The following DYNC1LI2 variants were observed in gnomAD, a reference collection of about 807,000 sequenced individuals.
DYNC1LI2 encodes the protein dynein cytoplasmic 1 light intermediate chain 2.
In DYNC1LI2, 19 loss-of-function variants were observed where a neutral mutation model predicts 57.8. That is an observed-to-expected ratio of 0.33 (90% CI 0.23 to 0.48). The LOEUF (loss-of-function observed/expected upper bound fraction) is 0.48. Among genes scored for constraint, DYNC1LI2 ranks in the 20% least tolerant of loss-of-function variants. The pLI, the probability that DYNC1LI2 is intolerant of heterozygous loss-of-function variation, is 0.99. For synonymous variants in DYNC1LI2, 256 were observed against 233.4 expected (o/e 1.10, Z -0.88); for missense variants, 470 against 604.2 (o/e 0.78, Z 2.33).
chr16:66,748,481 G>A (rs950198939), intron 3 of DYNC1LI2, among the ~76,000 whole-genome samples: 6 of 152,134 alleles, frequency 3.9e-5, no homozygotes, highest in Middle Eastern at 3.4e-3. Context: ...TACTACTCAC[G>A]TTTTAAAGAT....
At position 66,723,253 on chromosome 16, in the gene DYNC1LI2, C is replaced by T; in HGVS notation, c.*469G>A. Reference sequence around the variant, plus strand: ...CTCCACCTCCCTCAACATTCAGCTTCCCCACCATCACTTGTCTCATTACTC... The same window carrying T: ...CTCCACCTCCCTCAACATTCAGCTTTCCCACCATCACTTGTCTCATTACTC... On this transcript the variant is annotated 3_prime_UTR_variant, in exon 13 of 13. Coordinates refer to ENST00000258198, the MANE Select transcript of DYNC1LI2 (RefSeq NM_006141.3). 2.3e-6 allele frequency: 1 copy of T among 439,188 alleles called. No homozygotes were observed. The highest frequency in any genetic ancestry group is 4.6e-6 in the Non-Finnish European group (1 of 215,556). The allele number at this position is 439,188 out of a possible 1,614,324, so 27.2% of individuals were successfully genotyped here. A position where few individuals can be genotyped will look rare whatever the true frequency, so the allele number is the denominator to read the frequency against.
At position 66,751,376 on chromosome 16, in the gene DYNC1LI2, C is replaced by T. The variant is rs1304792627; in HGVS notation, c.108-30G>A. The T allele has an allele frequency of 6.2e-7, 1 of 1,606,914 alleles. No individual in the cohort carries two copies. The highest frequency in any genetic ancestry group is 1.7e-5 in the Admixed American group (1 of 59,630). ...GGCGACAATGGCAAGAGTGGTCAGC[C>T]CCGGGCCGGGCTGGGATGGCCCGGC... On this transcript the variant is annotated intron_variant, in intron 1 of 12. Transcript: ENST00000258198. The surrounding 1 kb of genome is among the most constrained non-coding windows in gnomAD (Gnocchi z 5.2).
In DYNC1LI2 at chr16:66,740,034, T is replaced by G. The variant is rs117520019; in HGVS notation, c.529+2404A>C. Among the ~76,000 whole-genome samples, 1,248 of 152,234 alleles carry G rather than the reference T, an allele frequency of 8.2e-3. 11 individuals carry two copies. The highest frequency in any genetic ancestry group is 0.017 in the Middle Eastern group (5 of 294). ...TTTTCCCTCCTACCTCATTTATTGG[T>G]TTCACAGTCCTGAGAAGACCCCATA... On this transcript the variant is annotated intron_variant, in intron 4 of 12. Transcript: ENST00000258198.
chr16:66,744,895 CT>C (rs1596997713), intron 3 of DYNC1LI2, among the ~76,000 whole-genome samples: 2 of 151,352 alleles, frequency 1.3e-5, no homozygotes, highest in African/African-American at 4.9e-5. Context: ...TTTCAGTTAT[CT>C]TTTGAGAACT....
At chr16:66,726,910 C>T (rs1378495058) in intron 11 of DYNC1LI2, among the ~76,000 whole-genome samples, 1 of 151,710 alleles carries the variant, frequency 6.6e-6, no homozygotes, top group Non-Finnish European at 1.5e-5. Flanking sequence ...TGGCTTGAGT[C>T]ACCACGCCAG....
chr16:66,743,006 A>G (rs1326006730), intron 3 of DYNC1LI2, among the ~76,000 whole-genome samples: 2 of 152,034 alleles, frequency 1.3e-5, no homozygotes, highest in Admixed American at 6.6e-5. Context: ...TAAAAGTACA[A>G]AACAAATTAG....
At chr16:66,737,557 C>T (rs1429034423) in intron 4 of DYNC1LI2, among the ~76,000 whole-genome samples, 1 of 151,304 alleles carries the variant, frequency 6.6e-6, no homozygotes, top group Non-Finnish European at 1.5e-5. Context: ...TGTTTCCACA[C>T]AGCTGAAGCT....
In DYNC1LI2 at chr16:66,751,349, G is replaced by A. The variant is rs1192587769; in HGVS notation, c.108-3C>T. On this transcript the variant is annotated splice_region_variant and splice_polypyrimidine_tract_variant and intron_variant, in intron 1 of 12. Transcript: ENST00000258198. The surrounding 1 kb of genome is among the most constrained non-coding windows in gnomAD (Gnocchi z 5.2). ...ACACTTCGCTCAGAATGGAGGACCT[G>A]TGGCGACAATGGCAAGAGTGGTCAG... is the stretch of plus-strand genomic sequence containing the variant. The A allele has an allele frequency of 6.2e-7, 1 of 1,611,240 alleles. No individual in the cohort carries two copies.
At chr16:66,723,908 C>T in intron 12 of DYNC1LI2, 86 bp from the exon 13 acceptor site, 3 of 1,078,586 alleles carry the variant, frequency 2.8e-6, no homozygotes, top group Non-Finnish European at 4.0e-6. Flanking sequence ...AAATTATACG[C>T]CTTCTATAAT....
In DYNC1LI2 at chr16:66,730,409, C is replaced by T; in HGVS notation, c.930-186G>A. ...GTGGGTATAATCCATCAGAACATCG[C>T]AGGTCCTGCTCCATACTGAGTTCAT... On this transcript the variant is annotated intron_variant, in intron 7 of 12. Coordinates refer to ENST00000258198, the MANE Select transcript of DYNC1LI2 (RefSeq NM_006141.3). The T allele has an allele frequency of 5.5e-6, 3 of 543,844 alleles. No individual in the cohort carries two copies. The South Asian group carries it at 6.7e-5, about 12-fold the overall frequency. 33.7% of individuals were successfully genotyped at this position (543,844 alleles called of 1,614,324 possible). A position where few individuals can be genotyped will look rare whatever the true frequency, so the allele number is the denominator to read the frequency against.
chr16:66,746,994 C>T (rs2017947429), intron 3 of DYNC1LI2, among the ~76,000 whole-genome samples: 1 of 152,154 alleles, frequency 6.6e-6, no homozygotes, highest in Non-Finnish European at 1.5e-5. Context: ...GCTCAGCAGC[C>T]CTGTATGTAC....
chr16:66,730,346 G>A, intron 7 of DYNC1LI2, 123 bp from the exon 8 acceptor site: 1 of 801,190 alleles, frequency 1.2e-6, no homozygotes, highest in Non-Finnish European at 1.9e-6. Flanking sequence ...GTTGTTGGGG[G>A]TTGTTTGTAG....
chr16:66,738,091 C>A (rs910767603), intron 4 of DYNC1LI2, among the ~76,000 whole-genome samples: 1 of 152,158 alleles, frequency 6.6e-6, no homozygotes, highest in African/African-American at 2.4e-5. Flanking sequence ...TTTCAAACCA[C>A]GAGTTTTTAT....
chr16:66,727,725 T>G lies in DYNC1LI2; in HGVS notation c.1224A>C (p.Pro408=), dbSNP rs1380328740. 2 of 1,613,970 alleles carry G rather than the reference T, an allele frequency of 1.2e-6. No individual in the cohort carries two copies. Among genetic ancestry groups the G allele is most frequent in the Non-Finnish European group, 1.7e-6 (2 of 1,179,992 alleles). ...GGPASVPSSS[P]GTSVKKPDPN... ...GGTCCGGCTTTTTTACTGACGTGCC[T>G]GGGGAGGAGCTAGGCACACTGGCTG... Residue 408 remains proline, a synonymous_variant, in exon 11 of 13, where the codon CCA becomes CCC. Coordinates refer to ENST00000258198, the MANE Select transcript of DYNC1LI2 (RefSeq NM_006141.3).
At chr16:66,735,099 T>TG (rs964865526) in intron 5 of DYNC1LI2, among the ~76,000 whole-genome samples, 1 of 109,900 alleles carries the variant, frequency 9.1e-6, no homozygotes, top group Non-Finnish European at 1.8e-5. Context: ...GAACTTTGTT[T>TG]GTTTTTTTTT....
At chr16:66,740,242 C>T (rs1215823849) in intron 4 of DYNC1LI2, among the ~76,000 whole-genome samples, 2 of 152,124 alleles carry the variant, frequency 1.3e-5, no homozygotes, top group Non-Finnish European at 2.9e-5. Flanking sequence ...AGAGACTGGC[C>T]GGCCATGGAG....
chr16:66,742,285 A>T (rs2017853942), intron 4 of DYNC1LI2, among the ~76,000 whole-genome samples, 153 bp downstream of exon 4: 1 of 152,356 alleles, frequency 6.6e-6, no homozygotes, highest in East Asian at 1.9e-4. Flanking sequence ...ACTTTTGACT[A>T]CTGAGTTTAC....
chr16:66,725,178 CA>C (rs34062942), intron 12 of DYNC1LI2, among the ~76,000 whole-genome samples: 217 of 123,094 alleles, frequency 1.8e-3, no homozygotes, highest in Middle Eastern at 5.1e-3. Flanking sequence ...CCATCTCTAT[CA>C]AAAAAAAAAA....
At chr16:66,749,608 C>T (rs1356091182) in intron 2 of DYNC1LI2, among the ~76,000 whole-genome samples, 1 of 152,120 alleles carries the variant, frequency 6.6e-6, no homozygotes, top group African/African-American at 2.4e-5. Context: ...ATTTATAAGA[C>T]ATGCATTCGG....
Sources: allele counts gnomAD v4.1 joint callset (sites outside exome capture counted in the v4.1 genomes callset), GRCh38; gene constraint gnomAD v4.1.1; non-coding constraint Gnocchi (gnomAD v3.1); transcripts MANE v1.5; gene names NCBI Gene and HGNC (gene_info 2026-07-23, HGNC 2026-07-21).